Variants in GRAMD1B observed in about 807,000 individuals in gnomAD.
GRAMD1B encodes the protein protein Aster-B.
A neutral mutation model predicts 99.7 loss-of-function variants in GRAMD1B; 37 were observed. The observed-to-expected ratio is 0.37, with a 90% confidence interval of 0.29 to 0.49. The LOEUF (loss-of-function observed/expected upper bound fraction) is 0.49. Ranked by LOEUF, GRAMD1B falls within the 20% of genes least tolerant of loss-of-function variation. GRAMD1B has a pLI of 0.98. For missense variants in GRAMD1B, 888 were observed against 1,009.2 expected, an observed-to-expected ratio of 0.88 and a Z score of 1.63; for synonymous variants, 427 against 387.6, an observed-to-expected ratio of 1.10 and a Z score of -1.19.
chr11:123,615,843 A>G (rs1007546514), intron 17 of GRAMD1B, among the ~76,000 whole-genome samples: 4 of 152,210 alleles, frequency 2.6e-5, no homozygotes, highest in African/African-American at 9.6e-5. Flanking sequence ...AAGCATCCAT[A>G]GAGAGTATAG....
intron 1 of GRAMD1B, among the ~76,000 whole-genome samples, chr11:123,424,837 A>T (rs1025396838): frequency 1.3e-5 from 2 of 152,156 alleles, no homozygotes; most frequent in African/African-American, 4.8e-5. Flanking sequence ...CACCATGTGT[A>T]TCTTATTTAT....
rs114182962 is a variant in GRAMD1B, at chr11:123,385,806, G to C, written c.-176+27007G>C. Among the ~76,000 whole-genome samples the C allele has an allele frequency of 1.5e-3, 222 of 152,286 alleles. 1 individual carries two copies. Among genetic ancestry groups the C allele is most frequent in the African/African-American group, 5.1e-3 (211 of 41,560 alleles). ...CCCAAGAACCCTTTATTGTGGTCAT[G>C]GGATGAGTCCCATTGGTTGCTGGAG... is the stretch of plus-strand genomic sequence containing the variant. On this transcript the variant is annotated intron_variant, in intron 1 of 20. Transcript: ENST00000638157.
chr11:123,548,313 TATATATATATATACACAC>T (rs1406855786), intron 2 of GRAMD1B, among the ~76,000 whole-genome samples: 1 of 85,500 alleles, frequency 1.2e-5, no homozygotes, highest in African/African-American at 6.0e-5. Flanking sequence ...TATATATATA[TATATATATATATACACAC>T]ACACACACAC....
chr11:123,578,328 AT>A, intron 3 of GRAMD1B: 1 of 1,214,456 alleles, frequency 8.2e-7, no homozygotes, highest in Non-Finnish European at 1.2e-6. Flanking sequence ...TCCCACTTGA[AT>A]TTGTCTTTTG....
rs1056870678 is a variant in GRAMD1B, at chr11:123,510,456, C to A, written c.452+29563C>A. ...CTCCTGGGAGTCTGTGGAACACAGA[C>A]AGGAGACAGGGCCCCCCTGCTTGCT... On this transcript the variant is annotated intron_variant, in intron 2 of 19. Coordinates refer to ENST00000635736, the MANE Select transcript of GRAMD1B (RefSeq NM_001387025.1). The surrounding 1 kb of genome is among the most constrained non-coding windows in gnomAD (Gnocchi z 4.3). 1.3e-5 allele frequency among the ~76,000 whole-genome samples: 2 copies of A among 152,186 alleles called. No homozygotes were observed. Among genetic ancestry groups the A allele is most frequent in the African/African-American group, 4.8e-5 (2 of 41,450 alleles).
In GRAMD1B at chr11:123,388,577, G is replaced by A. The variant is rs753060833; in HGVS notation, c.-176+29778G>A. On this transcript the variant is annotated intron_variant, in intron 1 of 20. Coordinates refer to the GRAMD1B transcript ENST00000638157. ...TAGTCCCAGCTACTCGAGAGGCTGA[G>A]GTGGGAGGATCACTTGAGCCAGGGA... Among the ~76,000 whole-genome samples the A allele has an allele frequency of 1.6e-4, 25 of 152,018 alleles. 1 individual carries two copies. Among genetic ancestry groups the A allele is most frequent in the Non-Finnish European group, 3.5e-4 (24 of 68,002 alleles).
At chr11:123,479,779 G>A (rs563830665) in intron 1 of GRAMD1B, among the ~76,000 whole-genome samples, 4 of 152,274 alleles carry the variant, frequency 2.6e-5, no homozygotes, top group Admixed American at 1.3e-4. Context: ...AAGATAATAT[G>A]TAAATGTAGG....
chr11:123,387,028 G>A (rs563133610), intron 1 of GRAMD1B, among the ~76,000 whole-genome samples: 1 of 152,292 alleles, frequency 6.6e-6, no homozygotes, highest in Admixed American at 6.5e-5. Flanking sequence ...CTGGGTGCCT[G>A]TTAGACCATG....
At chr11:123,592,344 C>G (rs1308702515) in intron 4 of GRAMD1B, among the ~76,000 whole-genome samples, 1 of 152,214 alleles carries the variant, frequency 6.6e-6, no homozygotes, top group Non-Finnish European at 1.5e-5. Context: ...TCAGACAGCA[C>G]TGAGTCAGAC....
At chr11:123,602,744 C>T (rs1198102026) in intron 8 of GRAMD1B, among the ~76,000 whole-genome samples, 3 of 152,130 alleles carry the variant, frequency 2.0e-5, no homozygotes, top group Non-Finnish European at 2.9e-5. Context: ...GACACATAGG[C>T]ACCCGGTGAA....
At chr11:123,443,452 G>A (rs1007141570) in intron 1 of GRAMD1B, among the ~76,000 whole-genome samples, 2 of 152,208 alleles carry the variant, frequency 1.3e-5, no homozygotes, top group Non-Finnish European at 2.9e-5. Flanking sequence ...TTAGGGTGAT[G>A]TAAGACAATA....
At chr11:123,362,582 A>T (rs1946181292) in intron 1 of GRAMD1B, among the ~76,000 whole-genome samples, 1 of 152,184 alleles carries the variant, frequency 6.6e-6, no homozygotes, top group African/African-American at 2.4e-5. Flanking sequence ...AAGACCAGTG[A>T]TGTACTACCT....
intron 4 of GRAMD1B, among the ~76,000 whole-genome samples, chr11:123,585,639 G>A (rs1319262141): frequency 1.3e-5 from 2 of 152,150 alleles, no homozygotes; most frequent in African/African-American, 2.4e-5. Context: ...AGAGGGGAGG[G>A]GGATGAGTGC....
At chr11:123,424,650 C>G (rs1056099343) in intron 1 of GRAMD1B, among the ~76,000 whole-genome samples, 6 of 152,192 alleles carry the variant, frequency 3.9e-5, no homozygotes, top group Non-Finnish European at 7.4e-5. Flanking sequence ...ACACCCTATT[C>G]TTTTTTATTG....
At chr11:123,485,342 G>T (rs73612077) in intron 2 of GRAMD1B, among the ~76,000 whole-genome samples, 2,530 of 152,228 alleles carry the variant, frequency 0.017, 78 homozygotes, top group African/African-American at 0.057. Context: ...TTTGTGTAAG[G>T]TTCAGAACGG....
intron 1 of GRAMD1B, among the ~76,000 whole-genome samples, chr11:123,437,670 T>G (rs1949222913): frequency 6.6e-6 from 1 of 152,218 alleles, no homozygotes; most frequent in African/African-American, 2.4e-5. Context: ...GTCTGACCAC[T>G]GGTAGTGCCG....
chr11:123,524,318 T>TTTTTATTTTATTTTA (rs6144546), intron 2 of GRAMD1B, among the ~76,000 whole-genome samples: 3,901 of 137,590 alleles, frequency 0.028, 224 homozygotes, highest in African/African-American at 0.092. Flanking sequence ...CCAGTTTTTA[T>TTTTTATTTTATTTTA]TTTTATTTTA....
At chr11:123,569,342 G>A (rs1947797495) in intron 2 of GRAMD1B, among the ~76,000 whole-genome samples, 1 of 152,118 alleles carries the variant, frequency 6.6e-6, no homozygotes, top group East Asian at 1.9e-4. Flanking sequence ...CTAAGGAGGA[G>A]GATCCAAGGG....
At chr11:123,570,137 T>A (rs1238859628) in intron 2 of GRAMD1B, among the ~76,000 whole-genome samples, 2 of 152,226 alleles carry the variant, frequency 1.3e-5, no homozygotes, top group South Asian at 4.1e-4. Flanking sequence ...GATAGTTTCT[T>A]GGGAGCGTAG....
Sources: gnomAD v4.1 joint callset for allele counts (sites outside exome capture counted in the v4.1 genomes callset) on GRCh38, gnomAD v4.1.1 for gene constraint, Gnocchi (gnomAD v3.1) non-coding constraint, MANE v1.5 for transcripts, NCBI Gene and HGNC (gene_info 2026-07-23, HGNC 2026-07-21) for gene names.